The following OTUD7A variants were observed in gnomAD, a reference collection of about 807,000 sequenced individuals.
The protein encoded by OTUD7A is OTU domain-containing protein 7A.
OTUD7A carries 12 observed loss-of-function variants against 65.7 expected under a neutral mutation model. The ratio of observed to expected loss-of-function variants is 0.18; its 90% confidence interval spans 0.12 to 0.30. The LOEUF (loss-of-function observed/expected upper bound fraction) is 0.30. Among genes scored for constraint, OTUD7A ranks in the 10% least tolerant of loss-of-function variants. The pLI is 1.00. For synonymous variants in OTUD7A, 641 were observed against 586.3 expected (o/e 1.09, Z -1.35); for missense variants, 1,148 against 1,304.8 (o/e 0.88, Z 1.85).
chr15:31,711,207 A>T (rs917874031), intron 1 of OTUD7A, among the ~76,000 whole-genome samples: 1 of 152,058 alleles, frequency 6.6e-6, no homozygotes, highest in Non-Finnish European at 1.5e-5. Context: ...CAGAAAACAC[A>T]TAAGAAACAA....
chr15:31,554,498 A>C (rs1253536238), intron 5 of OTUD7A, among the ~76,000 whole-genome samples: 1 of 152,196 alleles, frequency 6.6e-6, no homozygotes, highest in African/African-American at 2.4e-5. Context: ...GCTGACTCAG[A>C]AGCCCACAAG....
intron 3 of OTUD7A, among the ~76,000 whole-genome samples, chr15:31,623,067 T>A (rs1890844756): frequency 6.6e-6 from 1 of 152,250 alleles, no homozygotes; most frequent in Admixed American, 6.5e-5. Flanking sequence ...CAGCAGAGGC[T>A]GCAGAACAGC....
intron 1 of OTUD7A, among the ~76,000 whole-genome samples, chr15:31,677,072 G>C (rs150552955): frequency 3.0e-4 from 45 of 152,318 alleles, no homozygotes; most frequent in African/African-American, 7.2e-4. Flanking sequence ...TAAGTTCCAT[G>C]AAAATAGAAT....
intron 1 of OTUD7A, among the ~76,000 whole-genome samples, chr15:31,800,596 G>A (rs1896095311): frequency 6.6e-6 from 1 of 152,058 alleles, no homozygotes; most frequent in African/African-American, 2.4e-5. Context: ...GTCACTCCTG[G>A]AGGCCCCAAG....
chr15:31,497,536 C>G (rs111770611), intron 10 of OTUD7A, among the ~76,000 whole-genome samples: 2,422 of 152,256 alleles, frequency 0.016, 60 homozygotes, highest in African/African-American at 0.055. Context: ...AGGTGTGAGC[C>G]ACTGTGCCTG....
intron 1 of OTUD7A, among the ~76,000 whole-genome samples, chr15:31,769,029 T>C (rs956441005): frequency 2.0e-5 from 3 of 152,154 alleles, no homozygotes; most frequent in African/African-American, 7.2e-5. Flanking sequence ...AATAATTAAA[T>C]GCAAAGGGCT....
At chr15:31,490,261 A>C (rs2041300429) in intron 10 of OTUD7A, among the ~76,000 whole-genome samples, 1 of 152,256 alleles carries the variant, frequency 6.6e-6, no homozygotes, top group Non-Finnish European at 1.5e-5. Flanking sequence ...CTGCTTTTCA[A>C]AATGAGCCTA....
intron 1 of OTUD7A, among the ~76,000 whole-genome samples, chr15:31,831,488 C>T (rs575352245): frequency 1.3e-5 from 2 of 152,334 alleles, no homozygotes; most frequent in South Asian, 4.1e-4. Context: ...ATGAAACCCA[C>T]TACTCACCCA....
intron 1 of OTUD7A, among the ~76,000 whole-genome samples, chr15:31,690,852 C>T (rs932632499): frequency 1.2e-4 from 18 of 152,270 alleles, no homozygotes; most frequent in African/African-American, 4.3e-4. Flanking sequence ...AGAGGAAAAG[C>T]TTTATGAAAC....
chr15:31,783,575 T>G (rs894164188), intron 1 of OTUD7A, among the ~76,000 whole-genome samples: 7 of 152,218 alleles, frequency 4.6e-5, no homozygotes, highest in Admixed American at 3.3e-4. Flanking sequence ...ATATCTTTGA[T>G]GAAGCAGTGA....
At chr15:31,702,336 T>A (rs1893230469) in intron 1 of OTUD7A, among the ~76,000 whole-genome samples, 1 of 134,204 alleles carries the variant, frequency 7.5e-6, no homozygotes, top group East Asian at 2.1e-4. Context: ...TAAAACTTAT[T>A]TGCAGATGAC....
chr15:31,798,814 G>T (rs116194157), intron 1 of OTUD7A, among the ~76,000 whole-genome samples: 7 of 152,252 alleles, frequency 4.6e-5, no homozygotes, highest in South Asian at 2.1e-4. Context: ...CTCAGCTTGG[G>T]GGGGGGCTCC....
At chr15:31,609,336 T>C (rs1434586491) in intron 3 of OTUD7A, among the ~76,000 whole-genome samples, 4 of 152,186 alleles carry the variant, frequency 2.6e-5, no homozygotes, top group African/African-American at 9.7e-5. Context: ...GTTCTCAGCT[T>C]TGCTTGCCCA....
chr15:31,731,500 C>T (rs986605795), intron 1 of OTUD7A, among the ~76,000 whole-genome samples: 2 of 152,056 alleles, frequency 1.3e-5, no homozygotes, highest in African/African-American at 4.8e-5. Context: ...TTGGAAGAGG[C>T]AAAATCACAG....
At chr15:31,611,155 G>A (rs868201713) in intron 3 of OTUD7A, among the ~76,000 whole-genome samples, 2 of 151,940 alleles carry the variant, frequency 1.3e-5, no homozygotes, top group Admixed American at 1.3e-4. Context: ...TAGCAAAGGA[G>A]GTGCTAAGAG....
At chr15:31,657,867 G>A (rs550145307) in intron 1 of OTUD7A, among the ~76,000 whole-genome samples, 33 of 152,236 alleles carry the variant, frequency 2.2e-4, no homozygotes, top group African/African-American at 6.3e-4. Context: ...TCACTCAGCC[G>A]CTTTGAACAG....
At chr15:31,616,890 A>C (rs1890604717) in intron 3 of OTUD7A, among the ~76,000 whole-genome samples, 1 of 152,186 alleles carries the variant, frequency 6.6e-6, no homozygotes, top group Non-Finnish European at 1.5e-5. Context: ...GACAGGAAGC[A>C]TGTGTAGCTT....
chr15:31,629,434 G>A (rs1005483476), intron 3 of OTUD7A, among the ~76,000 whole-genome samples: 4 of 152,164 alleles, frequency 2.6e-5, no homozygotes, highest in Non-Finnish European at 4.4e-5. Context: ...TGCATCCCAG[G>A]GATGAAGCCC....
At chr15:31,668,706 TG>T (rs1266477192) in intron 1 of OTUD7A, among the ~76,000 whole-genome samples, 1 of 152,316 alleles carries the variant, frequency 6.6e-6, no homozygotes, top group East Asian at 1.9e-4. Context: ...TGTGATTTTT[TG>T]GGGGGTGTTA....
Sources: gnomAD v4.1 joint callset for allele counts (sites outside exome capture counted in the v4.1 genomes callset) on GRCh38, gnomAD v4.1.1 for gene constraint, MANE v1.5 for transcripts, NCBI Gene and HGNC (gene_info 2026-07-23, HGNC 2026-07-21) for gene names.